The following FHIT variants were observed in gnomAD, a reference collection of about 807,000 sequenced individuals.
FHIT encodes the protein bis(5'-adenosyl)-triphosphatase.
In FHIT, 19 loss-of-function variants were observed where a neutral mutation model predicts 17.9. The ratio of observed to expected loss-of-function variants is 1.06; its 90% CI spans 0.74 to 1.56. The LOEUF (loss-of-function observed/expected upper bound fraction) is 1.56, where lower values mean the gene tolerates loss of function less well. Ranked by LOEUF, FHIT falls within the 40% of genes most tolerant of loss-of-function variation. The pLI, the probability that FHIT is intolerant of heterozygous loss-of-function variation, is 0.00. For synonymous variants in FHIT, 81 were observed against 69.7 expected (o/e 1.16, Z -0.81); for missense variants, 248 against 189.2 (o/e 1.31, Z -1.82).
chr3:60,312,147 A>C (rs1166215172), intron 5 of FHIT, among the ~76,000 whole-genome samples: 1 of 152,060 alleles, frequency 6.6e-6, no homozygotes, highest in Non-Finnish European at 1.5e-5. Context: ...TAATGGGATA[A>C]AAAAATCTTT....
intron 8 of FHIT, among the ~76,000 whole-genome samples, chr3:59,919,047 G>A (rs1209720716): frequency 6.6e-6 from 1 of 152,118 alleles, no homozygotes; most frequent in African/African-American, 2.4e-5. Flanking sequence ...AAAACAATAT[G>A]TTTCACTAGG....
rs573522830 is a variant in FHIT, at chr3:60,063,723, T to G, written c.104-49571A>C. Among the ~76,000 whole-genome samples, 4 of 152,308 alleles carry G rather than the reference T, an allele frequency of 2.6e-5. No homozygotes were observed. The South Asian group carries it at 8.3e-4, about 32-fold the overall frequency. On this transcript the variant is annotated intron_variant, in intron 5 of 9. Transcript: ENST00000492590. The stretch of plus-strand genomic sequence containing the variant: ...AAACCCTTTAACCCAGCAAATGCAT[T>G]GCTAAGAATTTGCCCTACAGATATA...
At chr3:60,209,708 G>GAT (rs1188680654) in intron 5 of FHIT, among the ~76,000 whole-genome samples, 11 of 152,120 alleles carry the variant, frequency 7.2e-5, no homozygotes, top group Non-Finnish European at 1.5e-4. Flanking sequence ...TGATGAACTG[G>GAT]ATCAAGAAAA....
At chr3:60,093,786 T>C (rs1485764605) in intron 5 of FHIT, among the ~76,000 whole-genome samples, 1 of 152,132 alleles carries the variant, frequency 6.6e-6, no homozygotes, top group African/African-American at 2.4e-5. Flanking sequence ...AACAGTTTCA[T>C]CCCGAAACCA....
chr3:60,194,330 C>A (rs533027412), intron 5 of FHIT, among the ~76,000 whole-genome samples: 4 of 152,132 alleles, frequency 2.6e-5, no homozygotes, highest in South Asian at 2.1e-4. Context: ...AAAACATAAA[C>A]TGGGGAAAGG....
intron 5 of FHIT, among the ~76,000 whole-genome samples, chr3:60,157,793 T>C (rs564889700): frequency 1.4e-4 from 22 of 152,282 alleles, no homozygotes; most frequent in African/African-American, 5.1e-4. Context: ...TGGAAACTAT[T>C]TCACAAAATA....
At chr3:60,802,002 G>A (rs1349491086) in intron 4 of FHIT, among the ~76,000 whole-genome samples, 1 of 152,168 alleles carries the variant, frequency 6.6e-6, no homozygotes, top group Non-Finnish European at 1.5e-5. Flanking sequence ...TCATTCATAA[G>A]GGGTTAGAAA....
At chr3:60,203,986 A>G (rs1703039022) in intron 5 of FHIT, among the ~76,000 whole-genome samples, 1 of 152,130 alleles carries the variant, frequency 6.6e-6, no homozygotes, top group Non-Finnish European at 1.5e-5. Flanking sequence ...AGTATAAAAA[A>G]TAGAAAGAAT....
At chr3:60,554,069 G>T (rs1304301196) in intron 4 of FHIT, among the ~76,000 whole-genome samples, 1 of 151,958 alleles carries the variant, frequency 6.6e-6, no homozygotes, top group African/African-American at 2.4e-5. Flanking sequence ...TCCAGCCTGG[G>T]TAACAAAGCA....
chr3:59,984,022 T>C (rs1413749704), intron 7 of FHIT, among the ~76,000 whole-genome samples: 1 of 152,116 alleles, frequency 6.6e-6, no homozygotes, highest in Non-Finnish European at 1.5e-5. Flanking sequence ...AGAAGATCAA[T>C]GTTACTTAAC....
rs1437642356 is a variant in FHIT at position 60,177,936 on chromosome 3, G to A, written c.104-163784C>T. Among the ~76,000 whole-genome samples the A allele has an allele frequency of 5.3e-5, 8 of 152,160 alleles. No individual in the cohort carries two copies. The East Asian group carries it at 1.5e-3, about 29-fold the overall frequency. On this transcript the variant is annotated intron_variant, in intron 5 of 9. Transcript: ENST00000492590. The stretch of plus-strand genomic sequence containing the variant: ...CCAAAGTATTTTGAGTTGCTGGTAT[G>A]CCACATAGGATTACAATCACAAAAG...
intron 8 of FHIT, among the ~76,000 whole-genome samples, chr3:59,836,537 C>T (rs1701346726): frequency 6.6e-6 from 1 of 152,152 alleles, no homozygotes; most frequent in African/African-American, 2.4e-5. Flanking sequence ...ATGAGCTTGG[C>T]CCTGCGGTTT....
At chr3:60,486,792 T>C (rs1430976795) in intron 5 of FHIT, among the ~76,000 whole-genome samples, 1 of 152,186 alleles carries the variant, frequency 6.6e-6, no homozygotes, top group Non-Finnish European at 1.5e-5. Context: ...ATAAACGTGA[T>C]CTTTGATCCA....
chr3:60,692,807 T>C (rs2041023538), intron 4 of FHIT, among the ~76,000 whole-genome samples: 1 of 152,240 alleles, frequency 6.6e-6, no homozygotes, highest in Non-Finnish European at 1.5e-5. Flanking sequence ...CTATTTGCAT[T>C]CTTCACATGC....
intron 4 of FHIT, among the ~76,000 whole-genome samples, chr3:60,564,912 T>C (rs141681172): frequency 1.2e-3 from 185 of 152,254 alleles, no homozygotes; most frequent in Non-Finnish European, 2.1e-3. Flanking sequence ...AGTTCTACTA[T>C]GAGTAAAATG....
intron 2 of FHIT, among the ~76,000 whole-genome samples, chr3:61,098,499 G>C (rs1401192038): frequency 6.6e-6 from 1 of 152,166 alleles, no homozygotes; most frequent in Non-Finnish European, 1.5e-5. Context: ...CTCAATGGTA[G>C]ATTAATAGGA....
At chr3:60,632,242 T>A (rs562684747) in intron 4 of FHIT, among the ~76,000 whole-genome samples, 1 of 152,310 alleles carries the variant, frequency 6.6e-6, no homozygotes, top group East Asian at 1.9e-4. Flanking sequence ...AAATGATGTA[T>A]GAGAACGATT....
At chr3:59,767,078 A>T (rs1330598451) in intron 8 of FHIT, among the ~76,000 whole-genome samples, 1 of 152,156 alleles carries the variant, frequency 6.6e-6, no homozygotes, top group African/African-American at 2.4e-5. Flanking sequence ...TCACATTGCA[A>T]ATGGCTATTT....
chr3:60,528,253 G>A (rs1035121222), intron 5 of FHIT, among the ~76,000 whole-genome samples: 9 of 152,128 alleles, frequency 5.9e-5, no homozygotes, highest in Non-Finnish European at 2.9e-5. Flanking sequence ...TTACAGGTGT[G>A]CACCACTGTG....
Sources: allele counts gnomAD v4.1 joint callset (sites outside exome capture counted in the v4.1 genomes callset), GRCh38; gene constraint gnomAD v4.1.1; transcripts MANE v1.5; gene names NCBI Gene and HGNC (gene_info 2026-07-23, HGNC 2026-07-21).